IL1RAPL2: variants seen among roughly 807,000 people sequenced by gnomAD.
IL1RAPL2 encodes the protein interleukin 1 receptor accessory protein like 2.
A neutral mutation model predicts 44.1 loss-of-function variants in IL1RAPL2; 3 were observed. The ratio of observed to expected loss-of-function variants is 0.07; its 90% CI spans 0.03 to 0.18. The LOEUF is 0.18. Among genes scored for constraint, IL1RAPL2 ranks in the 10% least tolerant of loss-of-function variants. IL1RAPL2 has a pLI of 1.00. For missense variants in IL1RAPL2, 391 were observed against 496.4 expected (o/e 0.79, Z 2.02); for synonymous variants, 181 against 178.8 (o/e 1.01, Z -0.10).
chrX:104,594,583 C>A (rs1928728895), intron 1 of IL1RAPL2, among the ~76,000 whole-genome samples: 1 of 111,411 alleles, frequency 9.0e-6, no homozygotes, highest in Non-Finnish European at 1.9e-5. Context: ...GTGCTCCTGC[C>A]CTTTTAGAAC....
chrX:105,011,167 T>C (rs965225442), intron 2 of IL1RAPL2, among the ~76,000 whole-genome samples: 3 of 111,129 alleles, frequency 2.7e-5, no homozygotes, highest in African/African-American at 9.8e-5. Flanking sequence ...GTAAAGGTGG[T>C]ACCAACAATT....
chrX:105,738,875 C>T (rs1005774696), intron 7 of IL1RAPL2, among the ~76,000 whole-genome samples: 1 of 110,384 alleles, frequency 9.1e-6, no homozygotes, highest in African/African-American at 3.3e-5. Flanking sequence ...TTGCAGAGGG[C>T]TTCTCCTGTG....
At chrX:105,064,883 GA>G (rs763005934) in intron 2 of IL1RAPL2, among the ~76,000 whole-genome samples, 25 of 110,576 alleles carry the variant, frequency 2.3e-4, no homozygotes, top group South Asian at 3.8e-4. Context: ...AACTTTTATT[GA>G]AAAAAAATCT....
intron 1 of IL1RAPL2, among the ~76,000 whole-genome samples, chrX:104,571,130 C>A (rs1310389439): frequency 3.6e-5 from 4 of 111,178 alleles, no homozygotes; most frequent in African/African-American, 9.8e-5. Context: ...GTACTGCCAC[C>A]ACTTGCAGTT....
chrX:104,685,789 G>A (rs139991553), intron 2 of IL1RAPL2, among the ~76,000 whole-genome samples: 2,095 of 109,926 alleles, frequency 0.019, 50 homozygotes, highest in African/African-American at 0.064. Flanking sequence ...TTAGCCAGGC[G>A]TGGTGGTGGG....
intron 2 of IL1RAPL2, among the ~76,000 whole-genome samples, chrX:105,164,691 T>C (rs2033357079): frequency 8.9e-6 from 1 of 111,901 alleles, no homozygotes; most frequent in Non-Finnish European, 1.9e-5. Flanking sequence ...GCATAGTGCT[T>C]AAAACCTCAG....
chrX:105,607,635 CAAAAAAAAAAAAA>C lies in IL1RAPL2; in HGVS notation c.773-109716_773-109704del, dbSNP rs11377516. On this transcript the variant is annotated intron_variant, in intron 6 of 10. Coordinates refer to ENST00000372582, the MANE Select transcript of IL1RAPL2 (RefSeq NM_017416.2). ...AAAAGATGCATGGACATTCAGCAGACAAAAAAAAAAAAAAAAAAAAAAAAAAAAGGAAATAAGG... is the reference window on the plus strand; with the variant it reads ...AAAAGATGCATGGACATTCAGCAGACAAAAAAAAAAAAAAAGGAAATAAGG... Among the ~76,000 whole-genome samples the C allele has an allele frequency of 1.5e-3, 23 of 15,727 alleles. 1 individual carries two copies. The highest frequency in any genetic ancestry group is 3.8e-3 in the East Asian group (1 of 261). 13.7% of individuals were successfully genotyped at this position (15,727 alleles called of 115,157 possible). A position where few individuals can be genotyped will look rare whatever the true frequency, so the allele number is the denominator to read the frequency against.
chrX:105,062,329 C>T (rs1402651362), intron 2 of IL1RAPL2, among the ~76,000 whole-genome samples: 1 of 111,727 alleles, frequency 9.0e-6, no homozygotes, highest in Non-Finnish European at 1.9e-5. Flanking sequence ...AACTCTACAC[C>T]TTTTTTGTCC....
chrX:104,799,737 G>A (rs1238552294), intron 2 of IL1RAPL2, among the ~76,000 whole-genome samples: 2 of 111,728 alleles, frequency 1.8e-5, no homozygotes, highest in Non-Finnish European at 3.8e-5. Context: ...ACAATGTGAT[G>A]TTTTGATCTA....
intron 6 of IL1RAPL2, among the ~76,000 whole-genome samples, chrX:105,588,090 A>C (rs2037141891): frequency 1.8e-5 from 2 of 111,418 alleles, no homozygotes; most frequent in African/African-American, 6.5e-5. Flanking sequence ...TATATGGATG[A>C]TGTTATACTT....
chrX:104,982,047 C>T (rs1306680548), intron 2 of IL1RAPL2, among the ~76,000 whole-genome samples: 2 of 110,471 alleles, frequency 1.8e-5, no homozygotes, highest in Non-Finnish European at 3.8e-5. Flanking sequence ...AGATAGTATG[C>T]TTATTACCTG....
chrX:105,015,169 T>C (rs1017813108), intron 2 of IL1RAPL2, among the ~76,000 whole-genome samples: 2 of 110,779 alleles, frequency 1.8e-5, no homozygotes, highest in East Asian at 5.7e-4. Flanking sequence ...GTTTTTTTTT[T>C]CTTGTAAATT....
intron 5 of IL1RAPL2, among the ~76,000 whole-genome samples, chrX:105,459,503 C>T (rs993248628): frequency 3.5e-4 from 39 of 111,552 alleles, no homozygotes; most frequent in African/African-American, 1.3e-3. Flanking sequence ...TTCATCCATA[C>T]ATCTGTGTTT....
chrX:105,687,775 A>G (rs1033083681), intron 6 of IL1RAPL2, among the ~76,000 whole-genome samples: 4 of 111,812 alleles, frequency 3.6e-5, no homozygotes, highest in African/African-American at 1.3e-4. Flanking sequence ...CAACAAAAAA[A>G]GAGAATTTAG....
chrX:104,630,620 T>C (rs995339438), intron 1 of IL1RAPL2, among the ~76,000 whole-genome samples: 1 of 111,114 alleles, frequency 9.0e-6, no homozygotes, highest in Non-Finnish European at 1.9e-5. Context: ...TTATTTAAGA[T>C]TGCTGTGGCT....
chrX:105,018,607 A>G (rs2031227841), intron 2 of IL1RAPL2, among the ~76,000 whole-genome samples: 1 of 111,495 alleles, frequency 9.0e-6, no homozygotes, highest in South Asian at 3.7e-4. Context: ...TGTGTTTAAC[A>G]TAGTTTAACC....
chrX:104,853,184 T>C (rs1373719928), intron 2 of IL1RAPL2, among the ~76,000 whole-genome samples: 1 of 112,322 alleles, frequency 8.9e-6, no homozygotes. Flanking sequence ...GATCATTATA[T>C]TCACTCTTGA....
chrX:105,600,537 A>G (rs2037243266), intron 6 of IL1RAPL2, among the ~76,000 whole-genome samples: 2 of 108,439 alleles, frequency 1.8e-5, no homozygotes, highest in East Asian at 5.7e-4. Flanking sequence ...ATTAATAATG[A>G]ATAATATTTA....
chrX:104,967,087 C>T (rs935561395), intron 2 of IL1RAPL2, among the ~76,000 whole-genome samples: 1 of 111,585 alleles, frequency 9.0e-6, no homozygotes, highest in African/African-American at 3.2e-5. Flanking sequence ...AAAAATCTTG[C>T]GTGTAGTAAT....
Sources: gnomAD v4.1 joint callset for allele counts (sites outside exome capture counted in the v4.1 genomes callset) on GRCh38, gnomAD v4.1.1 for gene constraint, MANE v1.5 for transcripts, NCBI Gene and HGNC (gene_info 2026-07-23, HGNC 2026-07-21) for gene names.